The following MED7 variants were observed in gnomAD, a reference collection of about 807,000 sequenced individuals.
MED7 encodes the protein mediator of RNA polymerase II transcription subunit 7.
Under a neutral mutation model 16.6 loss-of-function variants are expected in MED7, and 7 were observed. The ratio of observed to expected loss-of-function variants is 0.42; its 90% confidence interval spans 0.24 to 0.79. The LOEUF (loss-of-function observed/expected upper bound fraction) is 0.79, where lower values mean the gene tolerates loss of function less well. MED7 is among the 30% of genes least tolerant of loss of function. The probability of loss-of-function intolerance (pLI) is 0.27; values close to 1 mark genes in which losing one functional copy is unlikely to be tolerated. For missense variants in MED7, 240 were observed against 286.3 expected (o/e 0.84, Z 1.17); for synonymous variants, 88 against 90.5 (o/e 0.97, Z 0.16).
intron 1 of MED7, among the ~76,000 whole-genome samples, chr5:157,140,063 C>G (rs1010806628): frequency 2.0e-5 from 3 of 152,164 alleles, no homozygotes; most frequent in Non-Finnish European, 4.4e-5. Flanking sequence ...GGCTAGAGTG[C>G]AGTGGTGCAA....
At position 157,139,548 on chromosome 5, in the gene MED7, G is replaced by C. The variant is rs1048230746; in HGVS notation, c.-17-100C>G. ...TTTCTTCCTTTTCTTCCAGCAGTTT[G>C]GGGCCGAAGACAAGATGATCTCCTT... On this transcript the variant is annotated intron_variant, in intron 1 of 1. Transcript: ENST00000286317. 4 of 673,044 alleles carry C rather than the reference G, an allele frequency of 5.9e-6. No homozygotes were observed. The Admixed American group carries it at 1.5e-4, about 25-fold the overall frequency. The allele number at this position is 673,044 out of a possible 1,614,324, so 41.7% of individuals were successfully genotyped here.
In MED7 at chr5:157,138,172, C is replaced by G. The variant is rs1757664753; in HGVS notation, c.*558G>C. On this transcript the variant is annotated 3_prime_UTR_variant, in exon 2 of 2. Coordinates refer to ENST00000286317, the MANE Select transcript of MED7 (RefSeq NM_004270.5). ...AACAACAATTTATGGGACTTCCCTG[C>G]AAGAGTCCATTCAGGATAGGGAGAA... The G allele has an allele frequency of 1.3e-5, 2 of 152,166 alleles. No homozygotes were observed. Among genetic ancestry groups the G allele is most frequent in the Admixed American group, 6.5e-5 (1 of 15,270 alleles). The allele number at this position is 152,166 out of a possible 1,614,324, so 9.4% of individuals were successfully genotyped here.
At position 157,138,509 on chromosome 5, in the gene MED7, C is replaced by CT. The variant is rs1757670805; in HGVS notation, c.*220dup. 1.3e-5 allele frequency: 6 copies of CT among 458,200 alleles called. No individual in the cohort carries two copies. In the South Asian group the frequency reaches 2.7e-4, roughly 21 times the overall value. The allele number at this position is 458,200 out of a possible 1,614,324, so 28.4% of individuals were successfully genotyped here. On this transcript the variant is annotated 3_prime_UTR_variant, in exon 2 of 2. Coordinates refer to ENST00000286317, the MANE Select transcript of MED7 (RefSeq NM_004270.5). ...ATGTCCCATACAACAGCAGCTAACA[C>CT]TTTGCTTTTTAAAGTGATTCTTCTT...
At position 157,138,155 on chromosome 5, in the gene MED7, T is replaced by C. The variant is rs1484990199; in HGVS notation, c.*575A>G. The C allele has an allele frequency of 6.6e-6, 1 of 152,094 alleles. No homozygotes were observed. Among genetic ancestry groups the C allele is most frequent in the Non-Finnish European group, 1.5e-5 (1 of 68,016 alleles). The allele number at this position is 152,094 out of a possible 1,614,324, so 9.4% of individuals were successfully genotyped here. On this transcript the variant is annotated 3_prime_UTR_variant, in exon 2 of 2. Coordinates refer to ENST00000286317, the MANE Select transcript of MED7 (RefSeq NM_004270.5). ...GAGTGACTGGAAAAAAAAACAACAA[T>C]TTATGGGACTTCCCTGCAAGAGTCC...
At chr5:157,141,716 G>C (rs1757727458) in intron 1 of MED7, among the ~76,000 whole-genome samples, 1 of 151,918 alleles carries the variant, frequency 6.6e-6, no homozygotes, top group Admixed American at 6.6e-5. Context: ...AGCCTCCTGA[G>C]TAGCTGGGGA....
In MED7 at chr5:157,139,458, C is replaced by A; in HGVS notation, c.-17-10G>T. 1 of 1,444,714 alleles carries A rather than the reference C, an allele frequency of 6.9e-7. No homozygotes were observed. The highest frequency in any genetic ancestry group is 9.2e-7 in the Non-Finnish European group (1 of 1,083,460). The allele number at this position is 1,444,714 out of a possible 1,614,324, so 89.5% of individuals were successfully genotyped here. The stretch of plus-strand genomic sequence containing the variant: ...GTGGACTATCAAGAACCTATGGACA[C>A]AGACCAAAGATTTATTAGAGCCACA... On this transcript the variant is annotated splice_polypyrimidine_tract_variant and intron_variant, in intron 1 of 1. Coordinates refer to ENST00000286317, the MANE Select transcript of MED7 (RefSeq NM_004270.5).
At position 157,137,648 on chromosome 5, in the gene MED7, T is replaced by G. The variant is rs1757655424; in HGVS notation, c.*1082A>C. 6.6e-6 allele frequency: 1 copy of G among 152,292 alleles called. No individual in the cohort carries two copies. Among genetic ancestry groups the G allele is most frequent in the African/African-American group, 2.4e-5 (1 of 41,442 alleles). 9.4% of individuals were successfully genotyped at this position (152,292 alleles called of 1,614,324 possible). ...GGAAGAAGAGAAGAAAGTGCTCATA[T>G]AAAGTCCAATTAGCTAGGGGCAGAG... On this transcript the variant is annotated 3_prime_UTR_variant, in exon 2 of 2. Coordinates refer to ENST00000286317, the MANE Select transcript of MED7 (RefSeq NM_004270.5).
Position 157,137,707 on chromosome 5 carries a change from G to C in MED7, c.*1023C>G, listed in dbSNP as rs1264493425. ...CTGAAAGGAAGACTTAGTCCTCACG[G>C]TCATTCAAAGAACCAGACTGACAAT... is the stretch of plus-strand genomic sequence containing the variant. On this transcript the variant is annotated 3_prime_UTR_variant, in exon 2 of 2. Coordinates refer to ENST00000286317, the MANE Select transcript of MED7 (RefSeq NM_004270.5). The C allele has an allele frequency of 6.6e-6, 1 of 152,212 alleles. No homozygotes were observed. Among genetic ancestry groups the C allele is most frequent in the Non-Finnish European group, 1.5e-5 (1 of 68,066 alleles). The allele number at this position is 152,212 out of a possible 1,614,324, so 9.4% of individuals were successfully genotyped here. A position where few individuals can be genotyped will look rare whatever the true frequency, so the allele number is the denominator to read the frequency against.
In MED7 at chr5:157,137,980, C is replaced by A. The variant is rs1757660299; in HGVS notation, c.*750G>T. 6.6e-6 allele frequency: 1 copy of A among 152,212 alleles called. No individual in the cohort carries two copies. Among genetic ancestry groups the A allele is most frequent in the Admixed American group, 6.5e-5 (1 of 15,280 alleles). 9.4% of individuals were successfully genotyped at this position (152,212 alleles called of 1,614,324 possible). ...AAGAGCAAGAATCTTTGGTAGACAC[C>A]TAGCAGTCTCTGCCATCAAACCCCT... On this transcript the variant is annotated 3_prime_UTR_variant, in exon 2 of 2. Transcript: ENST00000286317.
At chr5:157,139,939 G>C (rs1276992320) in intron 1 of MED7, among the ~76,000 whole-genome samples, 2 of 152,154 alleles carry the variant, frequency 1.3e-5, no homozygotes, top group African/African-American at 4.8e-5. Flanking sequence ...CAAAGTTCCT[G>C]AATGAAATGA....
chr5:157,141,208 G>A (rs1234631444), intron 1 of MED7, among the ~76,000 whole-genome samples: 1 of 151,982 alleles, frequency 6.6e-6, no homozygotes, highest in Non-Finnish European at 1.5e-5. Context: ...AGCCGCCTGA[G>A]TAGCTAGGAC....
In MED7 at chr5:157,139,177, G is replaced by A; in HGVS notation, c.255C>T (p.Ile85=). 2 of 1,612,482 alleles carry A rather than the reference G, an allele frequency of 1.2e-6. No homozygotes were observed. Among genetic ancestry groups the A allele is most frequent in the South Asian group, 1.1e-5 (1 of 90,790 alleles). The change falls in exon 2 of 2, where the codon ATC becomes ATT. Residue 85 remains isoleucine (I), a synonymous_variant. Transcript: ENST00000286317. The part of the protein sequence containing the change: ...KKELRKLNMS[I]LINFLDLLDI... ...CTAAAAGGTCCAAGAAATTAATAAG[G>A]ATAGACATATTAAGTTTTCTCAGTT...
Position 157,138,524 on chromosome 5 carries a change from T to C in MED7, c.*206A>G, listed in dbSNP as rs1268670236. 2.1e-6 allele frequency: 1 copy of C among 472,600 alleles called. No individual in the cohort carries two copies. Among genetic ancestry groups the C allele is most frequent in the African/African-American group, 2.0e-5 (1 of 49,922 alleles). 29.3% of individuals were successfully genotyped at this position (472,600 alleles called of 1,614,324 possible). On this transcript the variant is annotated 3_prime_UTR_variant, in exon 2 of 2. Coordinates refer to ENST00000286317, the MANE Select transcript of MED7 (RefSeq NM_004270.5). ...GCAGCTAACACTTTGCTTTTTAAAG[T>C]GATTCTTCTTAGTGCAGGGACACTC...
At chr5:157,139,671 A>G (rs1216138421) in intron 1 of MED7, among the ~76,000 whole-genome samples, 4 of 149,062 alleles carry the variant, frequency 2.7e-5, no homozygotes, top group East Asian at 4.0e-4. Context: ...TTCTCTCTCT[A>G]ATAATTTCAT....
At chr5:157,141,206 G>A (rs932101126) in intron 1 of MED7, among the ~76,000 whole-genome samples, 6 of 151,864 alleles carry the variant, frequency 4.0e-5, no homozygotes, top group African/African-American at 1.2e-4. Flanking sequence ...TCAGCCGCCT[G>A]AGTAGCTAGG....
At chr5:157,142,283 CCA>C (rs2113713376) in intron 1 of MED7, 1 of 152,252 alleles carries the variant, frequency 6.6e-6, no homozygotes, top group Admixed American at 6.5e-5. Context: ...GGTCCCAGCC[CCA>C]GAGATTTGAT....
Position 157,139,226 on chromosome 5 carries a change from G to A in MED7, c.206C>T (p.Pro69Leu). 2 of 1,613,956 alleles carry A rather than the reference G, an allele frequency of 1.2e-6. No homozygotes were observed. Among genetic ancestry groups the A allele is most frequent in the Non-Finnish European group, 1.7e-6 (2 of 1,179,976 alleles). The change falls in exon 2 of 2, where the codon CCT becomes CTT. Residue 69 changes from proline (P) to leucine (L), a missense_variant. Transcript: ENST00000286317. ...TTCTTTCTTGTGATCAAACTGCATA[G>A]GATGAAGCCGTTCGATGCCCTGACT... Reference protein sequence around the residue: ...LESQGIERLHPMQFDHKKELR... With the variant: ...LESQGIERLHLMQFDHKKELR...
Position 157,139,301 on chromosome 5 carries a change from A to T in MED7, c.131T>A (p.Met44Lys). 2 of 1,614,198 alleles carry T rather than the reference A, an allele frequency of 1.2e-6. No individual in the cohort carries two copies. Among genetic ancestry groups the T allele is most frequent in the Non-Finnish European group, 1.7e-6 (2 of 1,180,038 alleles). ...PPPPIKDSYM[M>K]FGNQFQCDDL... Reference sequence around the variant, plus strand: ...ATCACATTGGAACTGATTGCCAAACATCATGTAACTGTCTTTTATTGGAGG... The same window carrying T: ...ATCACATTGGAACTGATTGCCAAACTTCATGTAACTGTCTTTTATTGGAGG... The change falls in exon 2 of 2, where the codon ATG (methionine) becomes AAG (lysine). Residue 44 changes from methionine (M) to lysine (K), a missense_variant. Coordinates refer to ENST00000286317, the MANE Select transcript of MED7 (RefSeq NM_004270.5).
At position 157,139,185 on chromosome 5, in the gene MED7, T is replaced by C; in HGVS notation, c.247A>G (p.Met83Val). 1.1e-5 allele frequency: 17 copies of C among 1,612,448 alleles called. No homozygotes were observed. The highest frequency in any genetic ancestry group is 1.4e-5 in the Non-Finnish European group (17 of 1,179,574). Reference protein sequence around the residue: ...DHKKELRKLNMSILINFLDLL... With the variant: ...DHKKELRKLNVSILINFLDLL... ...TCCAAGAAATTAATAAGGATAGACA[T>C]ATTAAGTTTTCTCAGTTCTTTCTTG... The change falls in exon 2 of 2, where the codon ATG becomes GTG. Residue 83 changes from methionine to valine, a missense_variant. By Grantham distance (21) the Met-to-Val change is conservative. Coordinates refer to ENST00000286317, the MANE Select transcript of MED7 (RefSeq NM_004270.5).
Sources: gnomAD v4.1 joint callset for allele counts (sites outside exome capture counted in the v4.1 genomes callset) on GRCh38, gnomAD v4.1.1 for gene constraint, MANE v1.5 for transcripts, NCBI Gene and HGNC (gene_info 2026-07-23, HGNC 2026-07-21) for gene names.